Variants in USP22 observed in about 807,000 individuals in gnomAD.
USP22 encodes the protein ubiquitin carboxyl-terminal hydrolase 22.
Under a neutral mutation model 68.1 loss-of-function variants are expected in USP22, and 22 were observed. The ratio of observed to expected loss-of-function variants is 0.32; its 90% CI spans 0.23 to 0.46. The LOEUF is 0.46. USP22 is among the 20% of genes least tolerant of loss of function. The pLI is 1.00. For synonymous variants in USP22, 279 were observed against 274.2 expected, an observed-to-expected ratio of 1.02 and a Z score of -0.17; for missense variants, 433 against 695.8, an observed-to-expected ratio of 0.62 and a Z score of 4.25.
chr17:21,019,516 A>G (rs1212142839), intron 3 of USP22, among the ~76,000 whole-genome samples: 1 of 152,262 alleles, frequency 6.6e-6, no homozygotes, highest in Non-Finnish European at 1.5e-5. Context: ...ATCAGCACCA[A>G]TGGGAACTTA....
At chr17:21,037,102 G>A (rs1189481151) in intron 1 of USP22, among the ~76,000 whole-genome samples, 3 of 152,248 alleles carry the variant, frequency 2.0e-5, no homozygotes, top group African/African-American at 4.8e-5. Flanking sequence ...AGTGGATACA[G>A]CCAGATGATG....
chr17:21,004,419 C>A (rs1436792241), intron 11 of USP22, 68 bp from the exon 12 acceptor site: 1 of 1,586,150 alleles, frequency 6.3e-7, no homozygotes, highest in African/African-American at 1.3e-5. Flanking sequence ...TCATCACCAT[C>A]AGAAACCAGG....
At chr17:21,021,292 C>G in intron 2 of USP22, 66 bp from the exon 3 acceptor site, 1 of 1,090,912 alleles carries the variant, frequency 9.2e-7, no homozygotes. Context: ...GGCTGGAGGG[C>G]AGAGTTAAAC....
chr17:21,030,780 A>C (rs556151905), intron 1 of USP22, among the ~76,000 whole-genome samples: 12 of 152,380 alleles, frequency 7.9e-5, no homozygotes, highest in African/African-American at 2.9e-4. Context: ...ACATGAAATC[A>C]AATGCAATCC....
chr17:21,005,154 G>A lies in USP22; in HGVS notation c.1323-164C>T, dbSNP rs1041058963. 12 of 812,842 alleles carry A rather than the reference G, an allele frequency of 1.5e-5. No homozygotes were observed. In the African/African-American group the frequency reaches 1.9e-4, roughly 13 times the overall value. The allele number at this position is 812,842 out of a possible 1,614,324, so 50.4% of individuals were successfully genotyped here. ...TCTCCCCATGTTTCGTGAGGACACT[G>A]ACGCTCAAGCTGTGGAGGCCCCTGC... On this transcript the variant is annotated intron_variant, in intron 10 of 12. Transcript: ENST00000261497.
At chr17:21,027,320 C>G (rs945416999) in intron 2 of USP22, among the ~76,000 whole-genome samples, 2 of 96,864 alleles carry the variant, frequency 2.1e-5, no homozygotes, top group Non-Finnish European at 5.0e-5. Flanking sequence ...ATCAGACACA[C>G]TATCTGTGTC....
chr17:21,037,782 G>A (rs558186005), intron 1 of USP22, among the ~76,000 whole-genome samples: 66 of 152,334 alleles, frequency 4.3e-4, no homozygotes, highest in African/African-American at 1.5e-3. Context: ...CAAATGAGTA[G>A]AAGTAAAAGC....
At chr17:21,020,244 C>CAAAAAAAAAAAAAAAAAAA (rs3047597) in intron 3 of USP22, among the ~76,000 whole-genome samples, 55 of 73,286 alleles carry the variant, frequency 7.5e-4, no homozygotes, top group African/African-American at 8.4e-4. Flanking sequence ...AATCAAAAAC[C>CAAAAAAAAAAAAAAAAAAA]AAAAAAAAAA....
chr17:21,018,225 C>CAAA (rs1972111707), intron 4 of USP22, 114 bp from the exon 5 acceptor site: 10 of 1,020,192 alleles, frequency 9.8e-6, no homozygotes, highest in Non-Finnish European at 1.4e-5. Context: ...TTCATTCATT[C>CAAA]AAGCCAGAAC....
At chr17:21,017,376 C>T (rs1567588047) in intron 5 of USP22, among the ~76,000 whole-genome samples, 1 of 152,224 alleles carries the variant, frequency 6.6e-6, no homozygotes, top group Non-Finnish European at 1.5e-5. Context: ...GTCTAGGTCA[C>T]GGAGCCGGTG....
At chr17:21,015,609 A>G in intron 6 of USP22, 143 bp downstream of exon 6, 1 of 1,227,522 alleles carries the variant, frequency 8.1e-7, no homozygotes, top group South Asian at 1.6e-5. Context: ...TTCAGAAACA[A>G]ATGACGACAA....
Position 21,002,953 on chromosome 17 carries a change from A to AGGG in USP22, c.*75_*77dup, listed in dbSNP as rs11430423. ...GGGGAGGCGGCGGGAGACTTGGGGG[A>AGGG]GGGGGGGGCCAGGGAGGATCACTTT... On this transcript the variant is annotated 3_prime_UTR_variant, in exon 13 of 13. Coordinates refer to ENST00000261497, the MANE Select transcript of USP22 (RefSeq NM_015276.2). 8 of 1,480,854 alleles carry AGGG rather than the reference A, an allele frequency of 5.4e-6. No homozygotes were observed. The African/African-American group carries it at 1.1e-4, about 21-fold the overall frequency. The allele number at this position is 1,480,854 out of a possible 1,614,324, so 91.7% of individuals were successfully genotyped here. A position where few individuals can be genotyped will look rare whatever the true frequency, so the allele number is the denominator to read the frequency against.
At chr17:21,026,362 A>G (rs1972219534) in intron 2 of USP22, among the ~76,000 whole-genome samples, 1 of 152,030 alleles carries the variant, frequency 6.6e-6, no homozygotes. Flanking sequence ...GTCTTGCTCT[A>G]TCACCCAGGT....
At chr17:21,040,094 G>C (rs1972407776) in intron 1 of USP22, among the ~76,000 whole-genome samples, 1 of 152,164 alleles carries the variant, frequency 6.6e-6, no homozygotes, top group Admixed American at 6.5e-5. Context: ...GGAGAGGCTG[G>C]AGTCCAGGAA....
At chr17:21,030,713 T>G (rs1182979935) in intron 1 of USP22, among the ~76,000 whole-genome samples, 1 of 152,074 alleles carries the variant, frequency 6.6e-6, no homozygotes, top group Admixed American at 6.5e-5. Flanking sequence ...TTCAAAAACA[T>G]TAATGTAATG....
rs952464353 is a variant in USP22 at position 21,042,993 on chromosome 17, G to A, written c.-158C>T. ...CGGACAAAGATGGGGCTGCGCGATC[G>A]CCGAGGGGAGGCTGCAAGGCAGGCA... On this transcript the variant is annotated 5_prime_UTR_variant, in exon 1 of 13. Transcript: ENST00000261497. The A allele has an allele frequency of 1.9e-5, 7 of 362,470 alleles. No individual in the cohort carries two copies. The highest frequency in any genetic ancestry group is 3.3e-5 in the Non-Finnish European group (7 of 213,372). 22.5% of individuals were successfully genotyped at this position (362,470 alleles called of 1,614,324 possible).
intron 1 of USP22, among the ~76,000 whole-genome samples, chr17:21,032,510 C>T (rs1184832110): frequency 1.3e-5 from 2 of 152,258 alleles, no homozygotes; most frequent in African/African-American, 4.8e-5. Context: ...TTATTTTGGA[C>T]GTCCAGTCTC....
In USP22 at chr17:21,004,408, G is replaced by A. The variant is rs974372844; in HGVS notation, c.1386-57C>T. 1.3e-5 allele frequency: 20 copies of A among 1,596,930 alleles called. No homozygotes were observed. In the South Asian group the frequency reaches 2.1e-4, roughly 17 times the overall value. Reference sequence around the variant, plus strand: ...AGGTGACTTGATGCCGTCACTTGAGGTCATCACCATCAGAAACCAGGCAGC... The same window carrying A: ...AGGTGACTTGATGCCGTCACTTGAGATCATCACCATCAGAAACCAGGCAGC... On this transcript the variant is annotated intron_variant, in intron 11 of 12. Transcript: ENST00000261497.
chr17:21,013,323 C>T (rs1914025751), intron 6 of USP22, among the ~76,000 whole-genome samples: 1 of 152,178 alleles, frequency 6.6e-6, no homozygotes, highest in South Asian at 2.1e-4. Context: ...GCCCCAGCAA[C>T]CTCCCTCCCT....
Sources: gnomAD v4.1 joint callset for allele counts (sites outside exome capture counted in the v4.1 genomes callset) on GRCh38, gnomAD v4.1.1 for gene constraint, MANE v1.5 for transcripts, NCBI Gene and HGNC (gene_info 2026-07-23, HGNC 2026-07-21) for gene names.